PKD1L3: variants seen among roughly 807,000 people sequenced by gnomAD.
PKD1L3 encodes the protein polycystin-1-like protein 3.
Under a neutral mutation model 184.1 loss-of-function variants are expected in PKD1L3, and 239 were observed. That is an observed-to-expected ratio of 1.30 (90% confidence interval 1.17 to 1.45). The LOEUF (loss-of-function observed/expected upper bound fraction) is 1.45. PKD1L3 is among the 40% of genes most tolerant of loss of function. PKD1L3 has a pLI of 0.00. For synonymous variants in PKD1L3, 996 were observed against 778.8 expected (o/e 1.28, Z -4.64); for missense variants, 2,660 against 2,067.2 (o/e 1.29, Z -5.56).
intron 15 of PKD1L3, among the ~76,000 whole-genome samples, chr16:71,963,669 G>C (rs1338325425): frequency 6.6e-6 from 1 of 152,124 alleles, no homozygotes; most frequent in Non-Finnish European, 1.5e-5. Context: ...GTAGTCCTGA[G>C]CTACTTGAAA....
In PKD1L3 at chr16:71,980,039, C is replaced by T; in HGVS notation, c.1239G>A (p.Leu413=). The T allele has an allele frequency of 1.3e-6, 2 of 1,552,086 alleles. No homozygotes were observed. The highest frequency in any genetic ancestry group is 1.7e-6 in the Non-Finnish European group (2 of 1,147,098). Residue 413 remains leucine (L), a synonymous_variant, in exon 8 of 30, where the codon TTG becomes TTA. Transcript: ENST00000620267. ...GCAGCAGAGTAGCATTGGCAGAGGT[C>T]AAAGTCACTGAAGACTCGGGAGACT... ...QNQSPESSVT[L]TSANATLLLS...
At chr16:71,951,510 C>A in intron 19 of PKD1L3, 54 bp downstream of exon 19, 1 of 1,483,966 alleles carries the variant, frequency 6.7e-7, no homozygotes, top group Middle Eastern at 2.3e-4. Context: ...AAGACATATG[C>A]AAGGGAGTGG....
At chr16:71,948,671 T>G (rs1442346363) in intron 21 of PKD1L3, among the ~76,000 whole-genome samples, 1 of 152,116 alleles carries the variant, frequency 6.6e-6, no homozygotes, top group African/African-American at 2.4e-5. Context: ...ATTATTTTTC[T>G]TTGCCATTAT....
At chr16:71,965,697 G>A (rs553710913) in intron 15 of PKD1L3, among the ~76,000 whole-genome samples, 1 of 152,154 alleles carries the variant, frequency 6.6e-6, no homozygotes, top group African/African-American at 2.4e-5. Context: ...GGGGTGACAG[G>A]CATTTACCAC....
In PKD1L3 at chr16:71,933,953, G is replaced by A; in HGVS notation, c.4786C>T (p.Leu1596=). 6.4e-7 allele frequency: 1 copy of A among 1,551,492 alleles called. No individual in the cohort carries two copies. Among genetic ancestry groups the A allele is most frequent in the Non-Finnish European group, 8.7e-7 (1 of 1,146,948 alleles). ...CCTGTCAGCAGGATTAGGATGATCAGCAGAAAGCCCACCACCTCGTCCCAG... is the reference window on the plus strand; with the variant it reads ...CCTGTCAGCAGGATTAGGATGATCAACAGAAAGCCCACCACCTCGTCCCAG... ...RAWDEVVGFL[L]IILILLTGYA... Residue 1596 remains leucine (L), a synonymous_variant, in exon 27 of 30, where the codon CTG becomes TTG. Coordinates refer to ENST00000620267, the MANE Select transcript of PKD1L3 (RefSeq NM_181536.2).
intron 19 of PKD1L3, among the ~76,000 whole-genome samples, chr16:71,950,808 C>G (rs1392605421): frequency 1.3e-5 from 2 of 150,342 alleles, no homozygotes; most frequent in Non-Finnish European, 2.9e-5. Flanking sequence ...TCTTGGCTCA[C>G]TGAAACCTCT....
chr16:71,979,000 T>G (rs1157635566), intron 9 of PKD1L3, among the ~76,000 whole-genome samples: 3 of 152,220 alleles, frequency 2.0e-5, no homozygotes, highest in African/African-American at 4.8e-5. Flanking sequence ...GAGGATTCTA[T>G]TTTACTAGGA....
At chr16:71,969,536 T>C (rs2039631628) in intron 13 of PKD1L3, among the ~76,000 whole-genome samples, 1 of 147,198 alleles carries the variant, frequency 6.8e-6, no homozygotes, top group Non-Finnish European at 1.5e-5. Flanking sequence ...GGCCTTGAAC[T>C]CTTGAGCTCA....
Position 71,949,917 on chromosome 16 carries a change from C to G in PKD1L3, c.3484G>C (p.Gly1162Arg). 6.4e-7 allele frequency: 1 copy of G among 1,551,704 alleles called. No individual in the cohort carries two copies. Among genetic ancestry groups the G allele is most frequent in the Non-Finnish European group, 8.7e-7 (1 of 1,147,004 alleles). The change falls in exon 21 of 30, where the codon GGT (glycine) becomes CGT (arginine). Residue 1162 changes from glycine (G) to arginine (R), a missense_variant. Coordinates refer to ENST00000620267, the MANE Select transcript of PKD1L3 (RefSeq NM_181536.2). ...WLTSVCWLLL[G>R]FTSLASAFFT... ...AAGGCTGAAGCCAGGCTAGTGAAAC[C>G]TAAGAGGAGCCAGCAGACTGAAGTC... is the stretch of plus-strand genomic sequence containing the variant.
chr16:71,966,079 T>C (rs935275945), intron 15 of PKD1L3, among the ~76,000 whole-genome samples: 1 of 151,954 alleles, frequency 6.6e-6, no homozygotes, highest in Non-Finnish European at 1.5e-5. Flanking sequence ...GGCTGGTATG[T>C]CTAGCTAGGG....
chr16:71,994,764 C>T (rs531381014), intron 2 of PKD1L3, among the ~76,000 whole-genome samples: 78 of 152,116 alleles, frequency 5.1e-4, no homozygotes, highest in Non-Finnish European at 7.9e-4. Flanking sequence ...TTAGGGAGGC[C>T]GAGGAGACTG....
intron 21 of PKD1L3, among the ~76,000 whole-genome samples, 151 bp from the exon 22 acceptor site, chr16:71,947,742 A>G (rs1238550032): frequency 6.6e-6 from 1 of 152,186 alleles, no homozygotes; most frequent in Non-Finnish European, 1.5e-5. Flanking sequence ...TAATTTTTGC[A>G]CAATGATGGG....
chr16:71,986,498 G>A (rs1300497170), intron 4 of PKD1L3, 29 bp from the exon 5 acceptor site: 1 of 1,534,198 alleles, frequency 6.5e-7, no homozygotes, highest in Non-Finnish European at 8.8e-7. Flanking sequence ...TAAAGGAAAA[G>A]ACTGAATCTG....
chr16:71,979,765 C>A, intron 9 of PKD1L3, 21 bp downstream of exon 9: 2 of 1,477,656 alleles, frequency 1.4e-6, no homozygotes, highest in Admixed American at 2.9e-5. Flanking sequence ...TCATTCTGAT[C>A]ACAATCAATT....
At chr16:71,996,934 G>T (rs2040806677) in intron 2 of PKD1L3, among the ~76,000 whole-genome samples, 1 of 148,550 alleles carries the variant, frequency 6.7e-6, no homozygotes, top group African/African-American at 2.5e-5. Context: ...GCCTTGGACG[G>T]ACTCCAAATT....
Position 71,929,622 on chromosome 16 carries a change from G to C in PKD1L3, c.5115C>G (p.Ile1705Met), listed in dbSNP as rs2037846942. 1 of 1,551,740 alleles carries C rather than the reference G, an allele frequency of 6.4e-7. No homozygotes were observed. The highest frequency in any genetic ancestry group is 8.7e-7 in the Non-Finnish European group (1 of 1,146,880). Reference sequence around the variant, plus strand: ...CAGATGAGGTTTTTTGGGGCCAACTGATTCCTAACAAATTTGAGAGCTTCT... The same window carrying C: ...CAGATGAGGTTTTTTGGGGCCAACTCATTCCTAACAAATTTGAGAGCTTCT... ...LLQKLSNLLG[I>M]SWPQKTSSEQ... Residue 1705 changes from isoleucine to methionine, a missense_variant, in exon 30 of 30, where the codon ATC becomes ATG. Transcript: ENST00000620267.
intron 7 of PKD1L3, among the ~76,000 whole-genome samples, chr16:71,980,598 C>T (rs1407869240): frequency 6.6e-6 from 1 of 152,124 alleles, no homozygotes; most frequent in Admixed American, 6.6e-5. Flanking sequence ...CTTTGGGAGG[C>T]TGAGGCAGGT....
At chr16:71,969,790 G>T in intron 13 of PKD1L3, 85 bp downstream of exon 13, 3 of 1,235,562 alleles carry the variant, frequency 2.4e-6, no homozygotes, top group Non-Finnish European at 3.3e-6. Flanking sequence ...GCTTCCTGCT[G>T]CTTTTGACGA....
At chr16:71,993,899 C>G (rs908266305) in intron 2 of PKD1L3, among the ~76,000 whole-genome samples, 1 of 152,116 alleles carries the variant, frequency 6.6e-6, no homozygotes, top group South Asian at 2.1e-4. Flanking sequence ...CTCAGCCTCC[C>G]GAGTAGCTGG....
Sources: gnomAD v4.1 joint callset for allele counts (sites outside exome capture counted in the v4.1 genomes callset) on GRCh38, gnomAD v4.1.1 for gene constraint, MANE v1.5 for transcripts, NCBI Gene and HGNC (gene_info 2026-07-23, HGNC 2026-07-21) for gene names.